Variants in GPATCH8 observed in about 807,000 individuals in gnomAD.
GPATCH8 encodes G-patch domain containing 8, also known as G patch domain-containing protein 8.
In GPATCH8, 18 loss-of-function variants were observed where a neutral mutation model predicts 118.3. The observed-to-expected ratio is 0.15, with a 90% confidence interval of 0.11 to 0.23. The LOEUF is 0.23. Ranked by LOEUF, GPATCH8 falls within the 10% of genes least tolerant of loss-of-function variation. The pLI is 1.00. For missense variants in GPATCH8, 1,631 were observed against 1,873.8 expected, an observed-to-expected ratio of 0.87 and a Z score of 2.39; for synonymous variants, 659 against 684.7, an observed-to-expected ratio of 0.96 and a Z score of 0.59.
chr17:44,496,636 GCTCA>G (rs556327826), intron 1 of GPATCH8, among the ~76,000 whole-genome samples: 79 of 152,240 alleles, frequency 5.2e-4, no homozygotes, highest in African/African-American at 1.8e-3. Flanking sequence ...CTCCTGTTTT[GCTCA>G]CTAACAACTT....
At chr17:44,438,855 A>G (rs1214803094) in intron 3 of GPATCH8, 2 of 152,366 alleles carry the variant, frequency 1.3e-5, no homozygotes, top group Non-Finnish European at 2.9e-5. Flanking sequence ...GAGGAAGGAC[A>G]TTTTGTGCTA....
intron 1 of GPATCH8, among the ~76,000 whole-genome samples, chr17:44,497,947 A>C (rs1969792378): frequency 6.6e-6 from 1 of 152,198 alleles, no homozygotes; most frequent in Non-Finnish European, 1.5e-5. Context: ...TCCAAAAAAA[A>C]AAGAAAAAAA....
chr17:44,400,912 T>C lies in GPATCH8; in HGVS notation c.1165A>G (p.Thr389Ala). 6.2e-7 allele frequency: 1 copy of C among 1,614,182 alleles called. No homozygotes were observed. Among genetic ancestry groups the C allele is most frequent in the Non-Finnish European group, 8.5e-7 (1 of 1,180,012 alleles). ...RMKREEGAGA[T>A]EPEYYHYIPP... ...ATGTAGTGGTAATACTCAGGCTCTG[T>C]AGCCCCAGCTCCTTCTTCTCGTTTC... Residue 389 changes from threonine (T) to alanine (A), a missense_variant, in exon 8 of 8, where the codon ACA becomes GCA. Transcript: ENST00000591680.
At chr17:44,430,996 A>C (rs1168481519) in intron 5 of GPATCH8, among the ~76,000 whole-genome samples, 1 of 152,058 alleles carries the variant, frequency 6.6e-6, no homozygotes, top group African/African-American at 2.4e-5. Flanking sequence ...AAAAATCATT[A>C]AATTGTAGTA....
chr17:44,415,559 G>T (rs2049644612), intron 6 of GPATCH8, among the ~76,000 whole-genome samples: 1 of 152,196 alleles, frequency 6.6e-6, no homozygotes, highest in South Asian at 2.1e-4. Flanking sequence ...ACTCCAAGAA[G>T]ATATCTGGGG....
intron 6 of GPATCH8, among the ~76,000 whole-genome samples, chr17:44,421,871 C>T (rs747935200): frequency 3.3e-5 from 5 of 151,452 alleles, no homozygotes; most frequent in Middle Eastern, 3.2e-3. Context: ...GGATTACAGG[C>T]GTGCACCACC....
chr17:44,485,668 C>G (rs1035215712), intron 1 of GPATCH8, among the ~76,000 whole-genome samples: 1 of 152,124 alleles, frequency 6.6e-6, no homozygotes, highest in African/African-American at 2.4e-5. Flanking sequence ...TCTTCCTATG[C>G]CCCCAGCCCT....
chr17:44,467,254 G>C (rs1439781079), intron 2 of GPATCH8: 12 of 342,088 alleles, frequency 3.5e-5, no homozygotes, highest in South Asian at 2.3e-5. Context: ...GTAAATTCAC[G>C]AGTCAAGACC....
At position 44,502,249 on chromosome 17, in the gene GPATCH8, G is replaced by C. The variant is rs962209385; in HGVS notation, c.45+1077C>G. On this transcript the variant is annotated intron_variant, in intron 1 of 7. Transcript: ENST00000591680. The stretch of plus-strand genomic sequence containing the variant: ...TAAACTGCCTTCTGAAACACATCTA[G>C]AGTGCTTTCGTACTGCTTTGAGTAG... 2.6e-5 allele frequency among the ~76,000 whole-genome samples: 4 copies of C among 152,192 alleles called. No homozygotes were observed. The East Asian group carries it at 5.8e-4, about 22-fold the overall frequency.
In GPATCH8 at chr17:44,435,668, C is replaced by T. The variant is rs535698070; in HGVS notation, c.262-517G>A. On this transcript the variant is annotated intron_variant, in intron 4 of 7. Coordinates refer to ENST00000591680, the MANE Select transcript of GPATCH8 (RefSeq NM_001002909.4). Reference sequence around the variant, plus strand: ...CTCACCTCAGGTGATCTGCTTGTCTCGGCCTCCCACAGTGCTGGGATTACA... The same window carrying T: ...CTCACCTCAGGTGATCTGCTTGTCTTGGCCTCCCACAGTGCTGGGATTACA... Among the ~76,000 whole-genome samples the T allele has an allele frequency of 7.4e-4, 109 of 147,534 alleles. 1 individual carries two copies. Among genetic ancestry groups the T allele is most frequent in the Admixed American group, 2.3e-3 (35 of 14,956 alleles).
chr17:44,445,412 GCTTC>G (rs1030338875), intron 3 of GPATCH8, among the ~76,000 whole-genome samples: 1 of 151,956 alleles, frequency 6.6e-6, no homozygotes, highest in Admixed American at 6.6e-5. Flanking sequence ...AAAATTAATG[GCTTC>G]CTTCAAGTAC....
intron 3 of GPATCH8, among the ~76,000 whole-genome samples, chr17:44,437,181 T>TA (rs1431833333): frequency 6.6e-6 from 1 of 152,186 alleles, no homozygotes; most frequent in African/African-American, 2.4e-5. Context: ...GTTTTCCTTT[T>TA]AATCTGGTGC....
intron 7 of GPATCH8, among the ~76,000 whole-genome samples, chr17:44,403,422 T>C (rs953264326): frequency 1.3e-5 from 2 of 152,108 alleles, no homozygotes; most frequent in South Asian, 2.1e-4. Context: ...TCTTGCTATG[T>C]TGACCAGTTT....
At chr17:44,410,299 C>A (rs530276331) in intron 6 of GPATCH8, among the ~76,000 whole-genome samples, 1 of 152,202 alleles carries the variant, frequency 6.6e-6, no homozygotes, top group South Asian at 2.1e-4. Context: ...TAGATAATTT[C>A]TTCAGGTGAG....
chr17:44,489,708 AC>A (rs34767001), intron 1 of GPATCH8, among the ~76,000 whole-genome samples: 4,961 of 152,148 alleles, frequency 0.033, 251 homozygotes, highest in African/African-American at 0.11. Context: ...GTGATTTCAA[AC>A]CCCAAGGGCA....
chr17:44,455,188 T>A (rs1258019773), intron 3 of GPATCH8, among the ~76,000 whole-genome samples: 1 of 152,180 alleles, frequency 6.6e-6, no homozygotes, highest in African/African-American at 2.4e-5. Context: ...AGCTGTATCA[T>A]CTTTCCAAAA....
chr17:44,410,424 A>T (rs1443269475), intron 6 of GPATCH8, among the ~76,000 whole-genome samples: 1 of 152,182 alleles, frequency 6.6e-6, no homozygotes, highest in Non-Finnish European at 1.5e-5. Flanking sequence ...CATACACAAA[A>T]ATTCAAGTTA....
At chr17:44,415,524 G>A (rs1420124026) in intron 6 of GPATCH8, among the ~76,000 whole-genome samples, 1 of 152,080 alleles carries the variant, frequency 6.6e-6, no homozygotes, top group Non-Finnish European at 1.5e-5. Flanking sequence ...TTGAATTTGG[G>A]ATGCTCAATC....
rs571280509 is a variant in GPATCH8 at position 44,405,793 on chromosome 17, T to C, written c.623+128A>G. On this transcript the variant is annotated intron_variant, in intron 7 of 7. Coordinates refer to ENST00000591680, the MANE Select transcript of GPATCH8 (RefSeq NM_001002909.4). ...TGCTGGGATTATAGGGGTGAGCCAC[T>C]GCGCCTGGCACAAGGTTTTTAATTC... 3.5e-4 allele frequency: 260 copies of C among 735,934 alleles called. 1 individual carries two copies. The African/African-American group carries it at 4.2e-3, about 12-fold the overall frequency. 45.6% of individuals were successfully genotyped at this position (735,934 alleles called of 1,614,324 possible).
Sources: allele counts gnomAD v4.1 joint callset (sites outside exome capture counted in the v4.1 genomes callset), GRCh38; gene constraint gnomAD v4.1.1; transcripts MANE v1.5; gene names NCBI Gene and HGNC (gene_info 2026-07-23, HGNC 2026-07-21).